RELN: variants seen among roughly 807,000 people sequenced by gnomAD.
RELN encodes the protein reelin.
In RELN, 108 loss-of-function variants were observed where a neutral mutation model predicts 427.6. The ratio of observed to expected loss-of-function variants is 0.25; its 90% CI spans 0.22 to 0.30. The LOEUF is 0.30. Ranked by LOEUF, RELN falls within the 10% of genes least tolerant of loss-of-function variation. The pLI is 1.00. For missense variants in RELN, 3,715 were observed against 4,302.8 expected (o/e 0.86, Z 3.82); for synonymous variants, 1,524 against 1,513.4 (o/e 1.01, Z -0.16).
chr7:103,829,663 G>C (rs974811837), intron 3 of RELN, among the ~76,000 whole-genome samples: 1 of 151,764 alleles, frequency 6.6e-6, no homozygotes, highest in African/African-American at 2.4e-5. Context: ...TCTCTCACTT[G>C]ATTATTTTTA....
intron 11 of RELN, among the ~76,000 whole-genome samples, chr7:103,681,147 C>T (rs576607874): frequency 5.3e-4 from 81 of 152,148 alleles, no homozygotes; most frequent in Non-Finnish European, 8.8e-4. Context: ...AAAAGAGGGG[C>T]CCTTCTGGGA....
At chr7:103,931,587 G>C (rs1256948551) in intron 1 of RELN, among the ~76,000 whole-genome samples, 1 of 152,186 alleles carries the variant, frequency 6.6e-6, no homozygotes, top group Non-Finnish European at 1.5e-5. Context: ...GATATGCCCT[G>C]CTATTAGAAT....
At chr7:103,490,892 A>C in intron 58 of RELN, 63 bp from the exon 59 acceptor site, 1 of 1,532,760 alleles carries the variant, frequency 6.5e-7, no homozygotes, top group Non-Finnish European at 9.0e-7. Flanking sequence ...TGTTAATGTC[A>C]AGGTAATGCT....
intron 10 of RELN, among the ~76,000 whole-genome samples, chr7:103,684,526 G>A (rs1012770195): frequency 4.6e-5 from 7 of 151,992 alleles, no homozygotes; most frequent in African/African-American, 7.2e-5. Context: ...AATTAAGATC[G>A]GAAAAGAACA....
Position 103,596,561 on chromosome 7 carries a change from T to A in RELN, c.3434A>T (p.Lys1145Met). The change falls in exon 25 of 65, where the codon AAG becomes ATG. Residue 1145 changes from lysine to methionine, a missense_variant. This residue lies in a region of RELN where 2,208 missense variants were observed against 2,361.7 expected (regional missense o/e 0.93). Coordinates refer to ENST00000428762, the MANE Select transcript of RELN (RefSeq NM_005045.4). ...QIGGESASCNKPDSREEGVLL... is the reference protein window; with the variant it reads ...QIGGESASCNMPDSREEGVLL... ...GACGCCCTCCTCTCTGCTGTCAGGC[T>A]TGTTGCATGAAGCACTCTCTCCGCC... 1 of 1,614,084 alleles carries A rather than the reference T, an allele frequency of 6.2e-7. No homozygotes were observed.
chr7:103,590,993 A>T (rs992209090), intron 27 of RELN, among the ~76,000 whole-genome samples: 1 of 152,188 alleles, frequency 6.6e-6, no homozygotes, highest in Non-Finnish European at 1.5e-5. Flanking sequence ...AACACTTAAA[A>T]TTTTCTAGTT....
At chr7:103,857,805 A>G (rs1793980943) in intron 2 of RELN, among the ~76,000 whole-genome samples, 1 of 152,190 alleles carries the variant, frequency 6.6e-6, no homozygotes, top group Non-Finnish European at 1.5e-5. Context: ...GAACAACAGA[A>G]ATAAAATATG....
At chr7:103,761,719 G>A (rs913821284) in intron 4 of RELN, among the ~76,000 whole-genome samples, 50 of 152,086 alleles carry the variant, frequency 3.3e-4, no homozygotes, top group African/African-American at 1.1e-3. Flanking sequence ...GCCTCCCAAA[G>A]TGCTGGGATT....
At chr7:103,888,848 C>T (rs549115397) in intron 2 of RELN, among the ~76,000 whole-genome samples, 1 of 152,186 alleles carries the variant, frequency 6.6e-6, no homozygotes, top group Non-Finnish European at 1.5e-5. Flanking sequence ...AGGCAGCACT[C>T]CGTTTCCCAG....
At chr7:103,827,461 T>C (rs981400748) in intron 3 of RELN, among the ~76,000 whole-genome samples, 4 of 152,078 alleles carry the variant, frequency 2.6e-5, no homozygotes, top group Non-Finnish European at 4.4e-5. Context: ...CTTGGAGATT[T>C]ATTGACATAT....
At chr7:103,683,695 CATA>C (rs1833701198) in intron 10 of RELN, among the ~76,000 whole-genome samples, 1 of 152,066 alleles carries the variant, frequency 6.6e-6, no homozygotes. Flanking sequence ...ATTTGAAAAT[CATA>C]ATAAGCGACT....
At chr7:103,546,848 G>T (rs960545546) in intron 41 of RELN, among the ~76,000 whole-genome samples, 49 of 152,302 alleles carry the variant, frequency 3.2e-4, no homozygotes, top group Admixed American at 3.2e-3. Context: ...AGCCCAAAAA[G>T]ATTATTTTTT....
chr7:103,496,831 C>T, intron 55 of RELN, 63 bp from the exon 56 acceptor site: 1 of 1,574,176 alleles, frequency 6.4e-7, no homozygotes, highest in Admixed American at 1.7e-5. Flanking sequence ...TCATAAACCA[C>T]CAGTATACTT....
At chr7:103,512,700 A>G (rs369614536) in intron 50 of RELN, 2 of 152,242 alleles carry the variant, frequency 1.3e-5, no homozygotes, top group Non-Finnish European at 2.9e-5. Context: ...TTTATCCCAG[A>G]AAAGTTAGAA....
intron 8 of RELN, among the ~76,000 whole-genome samples, chr7:103,710,596 T>A (rs892271828): frequency 6.6e-6 from 1 of 152,248 alleles, no homozygotes; most frequent in Non-Finnish European, 1.5e-5. Context: ...TTTCCAATTC[T>A]ATAGTGATTC....
rs1011114032 is a variant in RELN at position 103,753,722 on chromosome 7, A to T, written c.545-508T>A. On this transcript the variant is annotated intron_variant, in intron 4 of 64. Transcript: ENST00000428762. ...TTTACACATGAATTTCCTAACGTGA[A>T]TTGTGTCTCCAGAAGATTTTAACTG... 6.6e-5 allele frequency among the ~76,000 whole-genome samples: 10 copies of T among 152,336 alleles called. No individual in the cohort carries two copies. In the South Asian group the frequency reaches 1.9e-3, roughly 28 times the overall value.
chr7:103,970,082 C>G (rs1021349479), intron 1 of RELN, among the ~76,000 whole-genome samples: 2 of 152,096 alleles, frequency 1.3e-5, no homozygotes, highest in African/African-American at 4.8e-5. Context: ...TGAGGTCAAA[C>G]AAGGCTGCCT....
rs1375056147 is a variant in RELN at position 103,676,019 on chromosome 7, A to C, written c.1289+6097T>G. Among the ~76,000 whole-genome samples the C allele has an allele frequency of 2.0e-5, 3 of 152,200 alleles. No homozygotes were observed. In the East Asian group the frequency reaches 5.8e-4, roughly 29 times the overall value. ...TAAAACACCAAAAGCAATGGCAACA[A>C]AAGCCAAAATTGACAAATGGGATCT... is the stretch of plus-strand genomic sequence containing the variant. On this transcript the variant is annotated intron_variant, in intron 11 of 64. Transcript: ENST00000428762.
chr7:103,850,416 G>A (rs1793794099), intron 2 of RELN, among the ~76,000 whole-genome samples: 1 of 152,184 alleles, frequency 6.6e-6, no homozygotes, highest in Admixed American at 6.5e-5. Context: ...GTGAAATCCA[G>A]AGGTAGGGGA....
Sources: allele counts gnomAD v4.1 joint callset (sites outside exome capture counted in the v4.1 genomes callset), GRCh38; gene constraint gnomAD v4.1.1; regional missense constraint gnomAD v4.1.1; transcripts MANE v1.5; gene names NCBI Gene and HGNC (gene_info 2026-07-23, HGNC 2026-07-21).